Variants in ACOXL observed in about 807,000 individuals in gnomAD.
ACOXL encodes the protein acyl-coenzyme A oxidase-like protein.
ACOXL carries 70 observed loss-of-function variants against 71.9 expected under a neutral mutation model. The observed-to-expected ratio is 0.97, with a 90% CI of 0.80 to 1.19. The LOEUF (loss-of-function observed/expected upper bound fraction) is 1.19. Among genes scored for constraint, ACOXL ranks in the 50% most tolerant of loss-of-function variants. ACOXL has a pLI of 0.00. For missense variants in ACOXL, 703 were observed against 736.3 expected (o/e 0.95, Z 0.52); for synonymous variants, 253 against 281.6 (o/e 0.90, Z 1.02).
chr2:110,966,731 A>G (rs548805133), intron 12 of ACOXL, among the ~76,000 whole-genome samples: 10 of 152,300 alleles, frequency 6.6e-5, no homozygotes, highest in Non-Finnish European at 8.8e-5. Context: ...TCCAGCATCA[A>G]TGAGGCACAA....
At chr2:110,854,749 C>T (rs1448231580) in intron 10 of ACOXL, among the ~76,000 whole-genome samples, 2 of 152,276 alleles carry the variant, frequency 1.3e-5, no homozygotes, top group African/African-American at 4.8e-5. Context: ...GGAGAGGTGG[C>T]CCTTCTCAAG....
chr2:111,054,675 C>T (rs1484137313), intron 16 of ACOXL, among the ~76,000 whole-genome samples: 1 of 152,194 alleles, frequency 6.6e-6, no homozygotes, highest in Non-Finnish European at 1.5e-5. Flanking sequence ...TCCCCTGCCA[C>T]CATGGTCTGG....
At chr2:110,847,741 C>G (rs1573813928) in intron 10 of ACOXL, among the ~76,000 whole-genome samples, 1 of 152,326 alleles carries the variant, frequency 6.6e-6, no homozygotes, top group East Asian at 1.9e-4. Context: ...CCCTGGCACC[C>G]CTCGAGGGCT....
At chr2:110,816,901 C>T (rs1422029215) in intron 9 of ACOXL, among the ~76,000 whole-genome samples, 2 of 152,204 alleles carry the variant, frequency 1.3e-5, no homozygotes, top group African/African-American at 4.8e-5. Context: ...CGTGACTGTC[C>T]CTGTCTTCCT....
intron 1 of ACOXL, among the ~76,000 whole-genome samples, chr2:110,735,352 C>T (rs1395862850): frequency 6.6e-6 from 1 of 152,212 alleles, no homozygotes; most frequent in Admixed American, 6.5e-5. Flanking sequence ...GGCTTGTCCC[C>T]ACCTTACCCC....
chr2:110,996,865 A>G (rs946541498), intron 14 of ACOXL, among the ~76,000 whole-genome samples: 2 of 152,216 alleles, frequency 1.3e-5, no homozygotes, highest in African/African-American at 4.8e-5. Context: ...AGTGCCCTGG[A>G]AGCAGAAAGC....
chr2:111,112,441 G>C (rs2070050037), intron 17 of ACOXL, among the ~76,000 whole-genome samples: 1 of 152,200 alleles, frequency 6.6e-6, no homozygotes, highest in African/African-American at 2.4e-5. Flanking sequence ...AGTGTTTCAG[G>C]TTTATTTTTC....
At chr2:110,933,170 C>T (rs562417962) in intron 11 of ACOXL, among the ~76,000 whole-genome samples, 1 of 152,258 alleles carries the variant, frequency 6.6e-6, no homozygotes, top group South Asian at 2.1e-4. Flanking sequence ...ACCATTTGCA[C>T]CTAATGTAAC....
intron 11 of ACOXL, among the ~76,000 whole-genome samples, chr2:110,918,090 C>T (rs1438495956): frequency 3.9e-5 from 6 of 152,038 alleles, no homozygotes; most frequent in African/African-American, 7.2e-5. Flanking sequence ...AAAAAGAGTC[C>T]GCATAGCCAA....
intron 2 of ACOXL, among the ~76,000 whole-genome samples, chr2:110,781,023 C>T (rs900981855): frequency 6.6e-6 from 1 of 152,104 alleles, no homozygotes; most frequent in African/African-American, 2.4e-5. Context: ...AAGCAAGACT[C>T]CATCTTTAAG....
At chr2:110,773,391 A>C (rs187242199) in intron 2 of ACOXL, among the ~76,000 whole-genome samples, 2 of 152,314 alleles carry the variant, frequency 1.3e-5, no homozygotes, top group East Asian at 3.9e-4. Context: ...AAGCGTTTAC[A>C]TTTAAGCCCT....
intron 9 of ACOXL, among the ~76,000 whole-genome samples, chr2:110,819,935 C>T (rs1573675331): frequency 6.6e-6 from 1 of 152,136 alleles, no homozygotes; most frequent in African/African-American, 2.4e-5. Context: ...TCTCCAGGGC[C>T]CAGCTTCTTG....
intron 3 of ACOXL, among the ~76,000 whole-genome samples, chr2:110,787,953 A>G (rs1279527746): frequency 6.6e-6 from 1 of 152,250 alleles, no homozygotes; most frequent in East Asian, 1.9e-4. Flanking sequence ...TCATGGAATT[A>G]CTTTATGTCT....
intron 16 of ACOXL, among the ~76,000 whole-genome samples, chr2:111,087,630 C>G (rs1447999910): frequency 6.6e-6 from 1 of 152,104 alleles, no homozygotes; most frequent in African/African-American, 2.4e-5. Context: ...AAACTGGACC[C>G]CTTCCTTACA....
chr2:110,852,059 C>A (rs1425078885), intron 10 of ACOXL, among the ~76,000 whole-genome samples: 1 of 152,170 alleles, frequency 6.6e-6, no homozygotes, highest in Admixed American at 6.5e-5. Context: ...CCAGGGGAGG[C>A]CAGCTCTGTC....
At chr2:111,020,304 A>G (rs374618725) in intron 14 of ACOXL, among the ~76,000 whole-genome samples, 119 of 152,252 alleles carry the variant, frequency 7.8e-4, no homozygotes, top group African/African-American at 2.8e-3. Context: ...GTCCTGCCCC[A>G]GTCAGAGCAG....
intron 17 of ACOXL, among the ~76,000 whole-genome samples, chr2:111,095,373 G>A (rs972115688): frequency 1.4e-5 from 2 of 146,504 alleles, no homozygotes; most frequent in Non-Finnish European, 3.0e-5. Context: ...AAGTGCTTTT[G>A]TATTTATTTT....
chr2:111,077,370 T>G (rs898588904), intron 16 of ACOXL, among the ~76,000 whole-genome samples: 3 of 152,210 alleles, frequency 2.0e-5, no homozygotes, highest in Admixed American at 2.0e-4. Context: ...GTCATATGCA[T>G]CTTATCAGTA....
chr2:110,955,731 G>A (rs533367026), intron 12 of ACOXL, among the ~76,000 whole-genome samples: 17 of 151,984 alleles, frequency 1.1e-4, no homozygotes, highest in African/African-American at 4.1e-4. Context: ...ATGCCTCAGG[G>A]CGTTTGCACA....
Sources: gnomAD v4.1 joint callset for allele counts (sites outside exome capture counted in the v4.1 genomes callset) on GRCh38, gnomAD v4.1.1 for gene constraint, MANE v1.5 for transcripts, NCBI Gene and HGNC (gene_info 2026-07-23, HGNC 2026-07-21) for gene names.